The following TNS3 variants were observed in gnomAD, a reference collection of about 807,000 sequenced individuals.
The protein encoded by TNS3 is tensin-3.
Under a neutral mutation model 140.9 loss-of-function variants are expected in TNS3, and 45 were observed. That is an observed-to-expected ratio of 0.32 (90% CI 0.25 to 0.41). TNS3 has a LOEUF of 0.41. Ranked by LOEUF, TNS3 falls within the 10% of genes least tolerant of loss-of-function variation. TNS3 has a pLI of 1.00. For synonymous variants in TNS3, 815 were observed against 788.4 expected, an observed-to-expected ratio of 1.03 and a Z score of -0.56; for missense variants, 1,716 against 1,906.7, an observed-to-expected ratio of 0.90 and a Z score of 1.86.
rs149626155 is a variant in TNS3 at position 47,460,415 on chromosome 7, G to A, written c.-75-18360C>T. On this transcript the variant is annotated intron_variant, in intron 4 of 30. Coordinates refer to ENST00000311160, the MANE Select transcript of TNS3 (RefSeq NM_022748.12). ...GTGATAACCGCCCATTGCTGCAGCT[G>A]CCCCGCACGGTGGTGCTTTGTCTTG... 2.1e-3 allele frequency among the ~76,000 whole-genome samples: 314 copies of A among 152,264 alleles called. No individual in the cohort carries two copies. The Middle Eastern group carries it at 0.024, about 12-fold the overall frequency.
intron 2 of TNS3, among the ~76,000 whole-genome samples, chr7:47,528,595 C>T (rs1024364566): frequency 3.9e-5 from 6 of 152,124 alleles, no homozygotes; most frequent in East Asian, 3.8e-4. Flanking sequence ...CATTACTTGA[C>T]GTCTAAATAT....
chr7:47,432,347 C>T (rs1794967050), intron 8 of TNS3, among the ~76,000 whole-genome samples: 1 of 152,172 alleles, frequency 6.6e-6, no homozygotes, highest in African/African-American at 2.4e-5. Context: ...GCCCCCTCGC[C>T]ATGTGATGCC....
rs557105025 is a variant in TNS3, at chr7:47,466,406, A to G, written c.-76+14697T>C. On this transcript the variant is annotated intron_variant, in intron 4 of 30. Transcript: ENST00000311160. Reference sequence around the variant, plus strand: ...GATGATCCGCCTGCCTTGGCCTCCCAAAGTGCTGGGATTACAGGCGTGAGC... The same window carrying G: ...GATGATCCGCCTGCCTTGGCCTCCCGAAGTGCTGGGATTACAGGCGTGAGC... Among the ~76,000 whole-genome samples the G allele has an allele frequency of 3.5e-3, 531 of 152,316 alleles. 4 individuals carry two copies. The highest frequency in any genetic ancestry group is 0.012 in the African/African-American group (495 of 41,578).
intron 20 of TNS3, among the ~76,000 whole-genome samples, chr7:47,338,491 CTCTT>C (rs577398099): frequency 6.6e-5 from 10 of 152,280 alleles, no homozygotes; most frequent in Admixed American, 3.3e-4. Context: ...AGTGACATGT[CTCTT>C]TTTTTCTTTG....
chr7:47,345,141 C>T, intron 18 of TNS3, 103 bp from the exon 19 acceptor site: 1 of 834,980 alleles, frequency 1.2e-6, no homozygotes, highest in Non-Finnish European at 2.0e-6. Flanking sequence ...ACTGAGCAAA[C>T]CCCTCCTCTG....
At chr7:47,414,525 A>T (rs976873459) in intron 11 of TNS3, among the ~76,000 whole-genome samples, 1 of 152,084 alleles carries the variant, frequency 6.6e-6, no homozygotes, top group African/African-American at 2.4e-5. Context: ...ACCCTCGGCC[A>T]TATACTCTGT....
intron 4 of TNS3, among the ~76,000 whole-genome samples, chr7:47,444,107 T>C (rs1704973): frequency 0.39 from 59,258 of 152,014 alleles, 11,783 homozygotes; most frequent in Non-Finnish European, 0.42. Flanking sequence ...AGAGCCAATC[T>C]CATTATGGGG....
chr7:47,297,220 A>C lies in TNS3; in HGVS notation c.3545-7T>G, dbSNP rs764972193. 41 of 1,607,334 alleles carry C rather than the reference A, an allele frequency of 2.6e-5. No individual in the cohort carries two copies. In the South Asian group the frequency reaches 4.4e-4, roughly 17 times the overall value. On this transcript the variant is annotated splice_polypyrimidine_tract_variant and splice_region_variant and intron_variant, in intron 23 of 30. Coordinates refer to ENST00000311160, the MANE Select transcript of TNS3 (RefSeq NM_022748.12). The stretch of plus-strand genomic sequence containing the variant: ...TCCTTCAACATGGCGATGGCTGGAG[A>C]AAGGGAGGAGAAAGACAAGAAGGTC...
chr7:47,534,146 C>T (rs975350390), intron 1 of TNS3, among the ~76,000 whole-genome samples: 4 of 152,050 alleles, frequency 2.6e-5, no homozygotes, highest in African/African-American at 9.6e-5. Context: ...TGGTGGCGGG[C>T]ACCCGTAATC....
At chr7:47,365,471 G>C (rs1187733181) in intron 17 of TNS3, among the ~76,000 whole-genome samples, 2 of 144,752 alleles carry the variant, frequency 1.4e-5, no homozygotes, top group Non-Finnish European at 3.0e-5. Context: ...TGTTCTCAAA[G>C]TAACGAGTTT....
At chr7:47,507,217 G>A (rs1319390266) in intron 2 of TNS3, among the ~76,000 whole-genome samples, 1 of 152,206 alleles carries the variant, frequency 6.6e-6, no homozygotes, top group East Asian at 1.9e-4. Flanking sequence ...ACGGTCATGA[G>A]CAGATTGGTT....
At chr7:47,469,940 C>T (rs1349839417) in intron 4 of TNS3, among the ~76,000 whole-genome samples, 5 of 136,662 alleles carry the variant, frequency 3.7e-5, no homozygotes, top group African/African-American at 1.1e-4. Flanking sequence ...TTCCACTGCA[C>T]TCCAGCCTGG....
At chr7:47,388,986 G>A (rs62446291) in intron 16 of TNS3, among the ~76,000 whole-genome samples, 1,283 of 80,560 alleles carry the variant, frequency 0.016, 384 homozygotes, top group Middle Eastern at 0.044. Flanking sequence ...AAGCAGCAGA[G>A]GAAGAAGAAG....
In TNS3 at chr7:47,277,893, A is replaced by C; in HGVS notation, c.*183T>G. On this transcript the variant is annotated 3_prime_UTR_variant, in exon 31 of 31. Coordinates refer to ENST00000311160, the MANE Select transcript of TNS3 (RefSeq NM_022748.12). ...TGTGTCAGATAAGTCACTTTCAGGAAAGGCCAATTCACGGTGATGTTGTTT... is the reference window on the plus strand; with the variant it reads ...TGTGTCAGATAAGTCACTTTCAGGACAGGCCAATTCACGGTGATGTTGTTT... 1.3e-6 allele frequency: 1 copy of C among 752,062 alleles called. No homozygotes were observed. 46.6% of individuals were successfully genotyped at this position (752,062 alleles called of 1,614,324 possible). A position where few individuals can be genotyped will look rare whatever the true frequency, so the allele number is the denominator to read the frequency against.
At chr7:47,462,794 C>A (rs1043087004) in intron 4 of TNS3, among the ~76,000 whole-genome samples, 2 of 152,160 alleles carry the variant, frequency 1.3e-5, no homozygotes, top group African/African-American at 4.8e-5. Context: ...GACTAGTTAG[C>A]CCTCTGCCCT....
At chr7:47,489,164 G>A (rs778925810) in intron 3 of TNS3, among the ~76,000 whole-genome samples, 6 of 152,110 alleles carry the variant, frequency 3.9e-5, no homozygotes, top group Admixed American at 1.3e-4. Flanking sequence ...GAAAACACCC[G>A]CCCGGCAGAC....
intron 1 of TNS3, among the ~76,000 whole-genome samples, chr7:47,559,411 G>A (rs920096831): frequency 3.3e-5 from 5 of 152,122 alleles, no homozygotes; most frequent in African/African-American, 1.2e-4. Context: ...TTAATAATGG[G>A]AGCGGGAGAA....
rs1554297219 is a variant in TNS3 at position 47,340,115 on chromosome 7, A to ATAT, written c.2650+4639_2650+4640insATA. On this transcript the variant is annotated intron_variant, in intron 20 of 30. Transcript: ENST00000311160. ...TACATATATATATATATATATATAT[A>ATAT]TTTTTTTTTTTTTTTTTTTTTTTTT... is the stretch of plus-strand genomic sequence containing the variant. 4.1e-3 allele frequency among the ~76,000 whole-genome samples: 117 copies of ATAT among 28,598 alleles called. 7 individuals are homozygous for ATAT. The highest frequency in any genetic ancestry group is 9.6e-3 in the African/African-American group (90 of 9,408). 18.8% of individuals were successfully genotyped at this position (28,598 alleles called of 152,430 possible).
chr7:47,493,876 A>G (rs1797907207), intron 3 of TNS3, among the ~76,000 whole-genome samples: 1 of 152,014 alleles, frequency 6.6e-6, no homozygotes, highest in Non-Finnish European at 1.5e-5. Context: ...AAACCCTAAG[A>G]GCTCACAACT....
Sources: gnomAD v4.1 joint callset for allele counts (sites outside exome capture counted in the v4.1 genomes callset) on GRCh38, gnomAD v4.1.1 for gene constraint, MANE v1.5 for transcripts, NCBI Gene and HGNC (gene_info 2026-07-23, HGNC 2026-07-21) for gene names.